ZBTB20: variants seen among roughly 807,000 people sequenced by gnomAD.
ZBTB20 encodes the protein zinc finger and BTB domain containing 20, also known as zinc finger and BTB domain-containing protein 20.
Under a neutral mutation model 56.9 loss-of-function variants are expected in ZBTB20, and 9 were observed. The observed-to-expected ratio is 0.16, with a 90% confidence interval of 0.10 to 0.28. ZBTB20 has a LOEUF of 0.28. ZBTB20 is among the 10% of genes least tolerant of loss of function. The probability of loss-of-function intolerance (pLI) is 1.00; values close to 1 mark genes in which losing one functional copy is unlikely to be tolerated. For synonymous variants in ZBTB20, 417 were observed against 420.7 expected (o/e 0.99, Z 0.11); for missense variants, 655 against 1,003.0 (o/e 0.65, Z 4.69).
chr3:114,777,056 G>A (rs114423853), intron 5 of ZBTB20, among the ~76,000 whole-genome samples: 5,213 of 151,962 alleles, frequency 0.034, 145 homozygotes, highest in African/African-American at 0.07. Flanking sequence ...ATTTGATTTG[G>A]CAAATATAAA....
chr3:114,851,211 T>G (rs902337986), intron 4 of ZBTB20, among the ~76,000 whole-genome samples: 1 of 152,200 alleles, frequency 6.6e-6, no homozygotes, highest in Non-Finnish European at 1.5e-5. Flanking sequence ...TTCTTGACTA[T>G]TCAATGCTAA....
rs1576552983 is a variant in ZBTB20 at position 115,009,474 on chromosome 3, C to T, written c.-506-35058G>A. Among the ~76,000 whole-genome samples the T allele has an allele frequency of 4.0e-5, 6 of 151,872 alleles. No individual in the cohort carries two copies. The South Asian group carries it at 1.0e-3, about 26-fold the overall frequency. Reference sequence around the variant, plus strand: ...GAGAATAAATCCAGTAAAATAATTACGTTCTATCACATTATTAGTCCAGAG... The same window carrying T: ...GAGAATAAATCCAGTAAAATAATTATGTTCTATCACATTATTAGTCCAGAG... On this transcript the variant is annotated intron_variant, in intron 2 of 11. Transcript: ENST00000675478.
At chr3:114,488,324 T>C (rs2042368379) in intron 7 of ZBTB20, among the ~76,000 whole-genome samples, 1 of 152,246 alleles carries the variant, frequency 6.6e-6, no homozygotes, top group South Asian at 2.1e-4. Flanking sequence ...CTCATTTGTC[T>C]TTTCCAATTT....
chr3:114,730,309 A>G (rs759330116), intron 5 of ZBTB20, among the ~76,000 whole-genome samples: 1 of 152,162 alleles, frequency 6.6e-6, no homozygotes, highest in Non-Finnish European at 1.5e-5. Context: ...ATAGTGGAAC[A>G]CTAGGCATAA....
intron 6 of ZBTB20, among the ~76,000 whole-genome samples, chr3:114,515,144 G>A: frequency 6.6e-6 from 1 of 152,172 alleles, no homozygotes; most frequent in Non-Finnish European, 1.5e-5. Flanking sequence ...CATAAGACTT[G>A]TTTTGTAAGG....
intron 3 of ZBTB20, among the ~76,000 whole-genome samples, chr3:114,947,948 G>A (rs1218329645): frequency 2.8e-5 from 4 of 145,316 alleles, no homozygotes; most frequent in Non-Finnish European, 5.9e-5. Context: ...GAATACATCC[G>A]AACTCATTTT....
chr3:114,568,787 A>G (rs993769393), intron 6 of ZBTB20, among the ~76,000 whole-genome samples: 5 of 152,212 alleles, frequency 3.3e-5, no homozygotes, highest in African/African-American at 9.6e-5. Context: ...AGAAGTTACA[A>G]TGATAGTAGT....
intron 6 of ZBTB20, among the ~76,000 whole-genome samples, chr3:114,531,732 C>T (rs1234309189): frequency 1.3e-5 from 2 of 152,212 alleles, no homozygotes; most frequent in South Asian, 2.1e-4. Context: ...CCGTCTGCAG[C>T]TCCCAGCAAG....
rs1179348051 is a variant in ZBTB20, at chr3:114,908,729, A to C, written c.-455-8387T>G. Among the ~76,000 whole-genome samples, 7 of 152,114 alleles carry C rather than the reference A, an allele frequency of 4.6e-5. No homozygotes were observed. The East Asian group carries it at 1.4e-3, about 29-fold the overall frequency. ...ACTAATCTGAGGGCCAAAATAAAAA[A>C]AGAAAGAAACTATGAAAAAGGCAGA... is the stretch of plus-strand genomic sequence containing the variant. On this transcript the variant is annotated intron_variant, in intron 3 of 11. Transcript: ENST00000675478.
At chr3:114,916,091 C>T (rs1044012418) in intron 3 of ZBTB20, among the ~76,000 whole-genome samples, 1 of 152,004 alleles carries the variant, frequency 6.6e-6, no homozygotes, top group Non-Finnish European at 1.5e-5. Context: ...CAGATTAAGT[C>T]CAATGTTTCT....
At chr3:114,764,718 G>A (rs992608370) in intron 5 of ZBTB20, among the ~76,000 whole-genome samples, 2 of 152,086 alleles carry the variant, frequency 1.3e-5, no homozygotes, top group Non-Finnish European at 2.9e-5. Flanking sequence ...GTATTTCTAT[G>A]AGATATATTT....
intron 6 of ZBTB20, among the ~76,000 whole-genome samples, chr3:114,544,417 CTTT>C (rs2049505467): frequency 4.2e-5 from 1 of 23,778 alleles, no homozygotes; most frequent in African/African-American, 2.5e-4. Context: ...TTCTTTCTTT[CTTT>C]CTTTCTTTCT....
chr3:114,372,290 G>A (rs1328652764), intron 10 of ZBTB20, among the ~76,000 whole-genome samples: 7 of 152,312 alleles, frequency 4.6e-5, no homozygotes, highest in East Asian at 3.9e-4. Context: ...GAACAGAACC[G>A]TGAAAATCAG....
chr3:114,426,534 C>T (rs999662607), intron 7 of ZBTB20, among the ~76,000 whole-genome samples: 2 of 148,496 alleles, frequency 1.3e-5, no homozygotes, highest in Non-Finnish European at 3.0e-5. Flanking sequence ...TGTCAGCATC[C>T]GGTGCCACTA....
At position 114,333,243 on chromosome 3, in the gene ZBTB20, T is replaced by G. The variant is rs1465553975; in HGVS notation, c.*5762A>C. On this transcript the variant is annotated 3_prime_UTR_variant, in exon 12 of 12. Coordinates refer to ENST00000675478, the MANE Select transcript of ZBTB20 (RefSeq NM_001348800.3). ...TTTTTTCTTGTAAAGGTTTAAGTGA[T>G]ATCAGAAATAGCAACTCTACACGGA... is the stretch of plus-strand genomic sequence containing the variant. 1.3e-5 allele frequency: 2 copies of G among 152,188 alleles called. No individual in the cohort carries two copies. The highest frequency in any genetic ancestry group is 2.9e-5 in the Non-Finnish European group (2 of 68,028). 9.4% of individuals were successfully genotyped at this position (152,188 alleles called of 1,614,324 possible). A position where few individuals can be genotyped will look rare whatever the true frequency, so the allele number is the denominator to read the frequency against.
intron 4 of ZBTB20, among the ~76,000 whole-genome samples, chr3:114,888,104 A>AAAAG (rs1198309663): frequency 6.6e-6 from 1 of 151,838 alleles, no homozygotes; most frequent in Admixed American, 6.6e-5. Context: ...TAAAAAAAAA[A>AAAAG]AAAGAAAGAA....
At chr3:114,642,470 G>A (rs1282115733) in intron 6 of ZBTB20, among the ~76,000 whole-genome samples, 1 of 151,990 alleles carries the variant, frequency 6.6e-6, no homozygotes, top group Non-Finnish European at 1.5e-5. Context: ...TTTTGTTGGA[G>A]TGGGGCTGTA....
At position 114,398,473 on chromosome 3, in the gene ZBTB20, A is replaced by G. The variant is rs1006418441; in HGVS notation, c.-254-9368T>C. 5.9e-5 allele frequency among the ~76,000 whole-genome samples: 9 copies of G among 152,290 alleles called. No homozygotes were observed. The East Asian group carries it at 1.7e-3, about 29-fold the overall frequency. Reference sequence around the variant, plus strand: ...TTCCATCACAATATTGGGAAGAAACACTACCCGCCATCACTGCCATTGCCC... The same window carrying G: ...TTCCATCACAATATTGGGAAGAAACGCTACCCGCCATCACTGCCATTGCCC... On this transcript the variant is annotated intron_variant, in intron 7 of 11. Coordinates refer to ENST00000675478, the MANE Select transcript of ZBTB20 (RefSeq NM_001348800.3).
intron 6 of ZBTB20, among the ~76,000 whole-genome samples, chr3:114,594,134 A>C (rs2056085187): frequency 6.6e-6 from 1 of 152,208 alleles, no homozygotes; most frequent in African/African-American, 2.4e-5. Context: ...AAGAATCCAA[A>C]TCTTGCCTAC....
Sources: gnomAD v4.1 joint callset for allele counts (sites outside exome capture counted in the v4.1 genomes callset) on GRCh38, gnomAD v4.1.1 for gene constraint, MANE v1.5 for transcripts, NCBI Gene and HGNC (gene_info 2026-07-23, HGNC 2026-07-21) for gene names.